MAGI1: variants seen among roughly 807,000 people sequenced by gnomAD.
MAGI1 encodes membrane associated guanylate kinase, WW and PDZ domain containing 1.
A neutral mutation model predicts 139.9 loss-of-function variants in MAGI1; 58 were observed. The observed-to-expected ratio is 0.41, with a 90% CI of 0.34 to 0.52. MAGI1 has a LOEUF of 0.52. Ranked by LOEUF, MAGI1 falls within the 20% of genes least tolerant of loss-of-function variation. MAGI1 has a pLI of 0.12. For missense variants in MAGI1, 1,874 were observed against 1,901.6 expected (o/e 0.99, Z 0.27); for synonymous variants, 812 against 737.9 (o/e 1.10, Z -1.63).
chr3:65,697,609 G>A lies in MAGI1; in HGVS notation c.314-75521C>T, dbSNP rs1314747416. On this transcript the variant is annotated intron_variant, in intron 1 of 22. Transcript: ENST00000402939. ...AAATGTAATCCAGCATATAAACAGA[G>A]CCAAAGACAAAAACCACATGATTAT... 5.1e-5 allele frequency among the ~76,000 whole-genome samples: 5 copies of A among 98,916 alleles called. 1 individual carries two copies. Among genetic ancestry groups the A allele is most frequent in the African/African-American group, 2.1e-4 (4 of 19,412 alleles). 64.9% of individuals were successfully genotyped at this position (98,916 alleles called of 152,430 possible). A position where few individuals can be genotyped will look rare whatever the true frequency, so the allele number is the denominator to read the frequency against.
intron 1 of MAGI1, among the ~76,000 whole-genome samples, chr3:65,781,764 G>T (rs1391321344): frequency 3.3e-5 from 5 of 152,206 alleles, no homozygotes; most frequent in African/African-American, 1.2e-4. Context: ...CCACGGAAGA[G>T]ATTTGCTAAA....
chr3:65,382,915 T>C (rs1440311128), intron 15 of MAGI1, among the ~76,000 whole-genome samples: 2 of 152,196 alleles, frequency 1.3e-5, no homozygotes, highest in African/African-American at 2.4e-5. Context: ...CGATGAATAA[T>C]GGCTGTTATT....
intron 3 of MAGI1, among the ~76,000 whole-genome samples, chr3:65,487,013 A>G (rs1951679959): frequency 1.3e-5 from 2 of 152,156 alleles, no homozygotes; most frequent in African/African-American, 4.8e-5. Context: ...TTTCACATAA[A>G]TATCTCCAGA....
chr3:65,812,049 T>C (rs1436955871), intron 1 of MAGI1, among the ~76,000 whole-genome samples: 2 of 151,912 alleles, frequency 1.3e-5, no homozygotes, highest in African/African-American at 4.8e-5. Flanking sequence ...GAGGAGGTAA[T>C]CTCATGATCT....
intron 2 of MAGI1, among the ~76,000 whole-genome samples, chr3:65,539,412 T>C (rs1397368688): frequency 6.6e-6 from 1 of 152,204 alleles, no homozygotes; most frequent in Non-Finnish European, 1.5e-5. Flanking sequence ...CACCAACTAC[T>C]GTCAACCAGA....
chr3:65,983,262 C>T (rs1290268842), intron 1 of MAGI1, among the ~76,000 whole-genome samples: 2 of 152,312 alleles, frequency 1.3e-5, no homozygotes. Context: ...TAATTTATTT[C>T]TCTGGTCTTG....
chr3:65,986,870 AT>A (rs57745762), intron 1 of MAGI1, among the ~76,000 whole-genome samples: 53,466 of 137,264 alleles, frequency 0.39, 11,077 homozygotes, highest in East Asian at 0.56. Flanking sequence ...TAAGGAAGGG[AT>A]TTTTTTTTTT....
chr3:65,678,718 C>G (rs1440511831), intron 1 of MAGI1, among the ~76,000 whole-genome samples: 2 of 152,318 alleles, frequency 1.3e-5, no homozygotes, highest in East Asian at 3.9e-4. Context: ...CTCATCAGCA[C>G]TGCTCTTTTC....
chr3:66,015,522 A>G (rs1448230115), intron 1 of MAGI1, among the ~76,000 whole-genome samples: 1 of 152,200 alleles, frequency 6.6e-6, no homozygotes, highest in African/African-American at 2.4e-5. Context: ...GGGAATGATT[A>G]TAACACATTT....
At chr3:65,375,338 G>A (rs535458677) in intron 18 of MAGI1, among the ~76,000 whole-genome samples, 21 of 152,146 alleles carry the variant, frequency 1.4e-4, no homozygotes, top group African/African-American at 4.6e-4. Flanking sequence ...ACAGGCGCCC[G>A]CCACCGCGCC....
At chr3:65,478,131 A>C (rs1030265422) in intron 4 of MAGI1, among the ~76,000 whole-genome samples, 2 of 152,090 alleles carry the variant, frequency 1.3e-5, no homozygotes, top group Non-Finnish European at 2.9e-5. Flanking sequence ...TCTGCTTTCA[A>C]AGATATAAGA....
At chr3:66,025,554 AAAAC>A (rs542083674) in intron 1 of MAGI1, among the ~76,000 whole-genome samples, 5 of 152,310 alleles carry the variant, frequency 3.3e-5, no homozygotes, top group East Asian at 1.9e-4. Context: ...AAAAAACAAA[AAAAC>A]AAACAAACAA....
At chr3:65,819,044 T>C in intron 1 of MAGI1, among the ~76,000 whole-genome samples, 1 of 152,156 alleles carries the variant, frequency 6.6e-6, no homozygotes, top group East Asian at 1.9e-4. Flanking sequence ...CCCAACACTT[T>C]GGGAGGCTGA....
chr3:65,891,412 C>G (rs1208181987), intron 1 of MAGI1, among the ~76,000 whole-genome samples: 1 of 152,028 alleles, frequency 6.6e-6, no homozygotes, highest in Non-Finnish European at 1.5e-5. Context: ...AATCACTGAA[C>G]TAGGACTTAG....
At chr3:65,845,655 T>TG (rs2058967314) in intron 1 of MAGI1, among the ~76,000 whole-genome samples, 1 of 152,212 alleles carries the variant, frequency 6.6e-6, no homozygotes, top group Non-Finnish European at 1.5e-5. Flanking sequence ...CAATTTCATG[T>TG]CTTTGCTATG....
chr3:65,709,676 G>A (rs2031036991), intron 1 of MAGI1, among the ~76,000 whole-genome samples: 2 of 152,190 alleles, frequency 1.3e-5, no homozygotes, highest in African/African-American at 4.8e-5. Context: ...CATTAGAGAT[G>A]TCTTTAAGCA....
chr3:65,450,416 C>A (rs772663969), intron 6 of MAGI1, among the ~76,000 whole-genome samples: 9 of 152,068 alleles, frequency 5.9e-5, no homozygotes, highest in Non-Finnish European at 1.0e-4. Context: ...AGGATGCCAA[C>A]TGAATTCAGC....
chr3:65,843,215 C>G (rs1012635026), intron 1 of MAGI1, among the ~76,000 whole-genome samples: 9 of 152,110 alleles, frequency 5.9e-5, no homozygotes, highest in African/African-American at 2.2e-4. Context: ...CTCCTGGATC[C>G]TTTTTCCTAG....
intron 6 of MAGI1, 94 bp downstream of exon 6, chr3:65,453,164 T>A: frequency 9.3e-7 from 1 of 1,073,024 alleles, no homozygotes; most frequent in South Asian, 1.3e-5. Context: ...AAACTCAACA[T>A]AAGACCCGAC....
Sources: gnomAD v4.1 joint callset for allele counts (sites outside exome capture counted in the v4.1 genomes callset) on GRCh38, gnomAD v4.1.1 for gene constraint, MANE v1.5 for transcripts, NCBI Gene and HGNC (gene_info 2026-07-23, HGNC 2026-07-21) for gene names.